Variants in NUP214 observed in about 807,000 individuals in gnomAD.
NUP214 encodes nucleoporin 214.
NUP214 carries 79 observed loss-of-function variants against 196.2 expected under a neutral mutation model. That is an observed-to-expected ratio of 0.40 (90% CI 0.34 to 0.49). NUP214 has a LOEUF of 0.49. NUP214 is among the 20% of genes least tolerant of loss of function. The probability of loss-of-function intolerance (pLI) is 0.58; values close to 1 mark genes in which losing one functional copy is unlikely to be tolerated. For missense variants in NUP214, 2,468 were observed against 2,539.0 expected (o/e 0.97, Z 0.60); for synonymous variants, 1,020 against 990.5 (o/e 1.03, Z -0.56).
rs112769610 is a variant in NUP214, at chr9:131,159,324, C to T, written c.2437-59C>T. The T allele has an allele frequency of 8.1e-3, 9,602 of 1,181,722 alleles. 50 individuals carry two copies. Among genetic ancestry groups the T allele is most frequent in the Non-Finnish European group, 1.0e-2 (8,056 of 805,902 alleles). 73.2% of individuals were successfully genotyped at this position (1,181,722 alleles called of 1,614,324 possible). On this transcript the variant is annotated intron_variant, in intron 17 of 35. Transcript: ENST00000359428. Reference sequence around the variant, plus strand: ...TAGAATTCTTTTGACTGTTTTGATACATCTTCCCCCAAACTATCAGAAAAA... The same window carrying T: ...TAGAATTCTTTTGACTGTTTTGATATATCTTCCCCCAAACTATCAGAAAAA...
chr9:131,191,521 C>T (rs1268665812), intron 26 of NUP214: 1 of 151,828 alleles, frequency 6.6e-6, no homozygotes, highest in African/African-American at 2.4e-5. Flanking sequence ...AAGATTGTAC[C>T]CAAACTATAA....
At chr9:131,225,632 T>G (rs1198513849) in intron 32 of NUP214, among the ~76,000 whole-genome samples, 1 of 152,190 alleles carries the variant, frequency 6.6e-6, no homozygotes, top group Non-Finnish European at 1.5e-5. Flanking sequence ...CTCCCCCTCA[T>G]GTTTCAGGAC....
At position 131,187,470 on chromosome 9, in the gene NUP214, T is replaced by C. The variant is rs1833487064; in HGVS notation, c.3495+106T>C. The C allele has an allele frequency of 3.9e-6, 3 of 775,594 alleles. No individual in the cohort carries two copies. The East Asian group carries it at 8.5e-5, about 22-fold the overall frequency. 48.0% of individuals were successfully genotyped at this position (775,594 alleles called of 1,614,324 possible). On this transcript the variant is annotated intron_variant, in intron 25 of 35. Coordinates refer to ENST00000359428, the MANE Select transcript of NUP214 (RefSeq NM_005085.4). ...GGTGCGATCTTGGCTCACCGCAACC[T>C]CTGCCTCCTGGGTTCAAGTGATTCT...
At chr9:131,190,460 A>G (rs1174536001) in intron 26 of NUP214, 1 of 693,924 alleles carries the variant, frequency 1.4e-6, no homozygotes, top group Non-Finnish European at 2.6e-6. Context: ...CGAGGTGTTC[A>G]CTTCTGTTTT....
chr9:131,135,808 T>A (rs1831708739), intron 8 of NUP214, 132 bp from the exon 9 acceptor site: 2 of 637,716 alleles, frequency 3.1e-6, no homozygotes, highest in Non-Finnish European at 5.6e-6. Flanking sequence ...CCACCTTTGT[T>A]CAACCAGATA....
chr9:131,198,639 C>G lies in NUP214; in HGVS notation c.5145C>G (p.Thr1715=), dbSNP rs1349419785. 1.2e-6 allele frequency: 2 copies of G among 1,614,226 alleles called. No homozygotes were observed. The highest frequency in any genetic ancestry group is 8.5e-7 in the Non-Finnish European group (1 of 1,180,034). The change falls in exon 29 of 36, where the codon ACC becomes ACG. Residue 1715 remains threonine, a synonymous_variant. Transcript: ENST00000359428. The part of the protein sequence containing the change: ...SSGFSSPAFG[T]TAPGVFGQTT... ...GGTTTAGCAGCCCAGCTTTTGGTACCACAGCCCCAGGGGTCTTTGGACAGA... is the reference window on the plus strand; with the variant it reads ...GGTTTAGCAGCCCAGCTTTTGGTACGACAGCCCCAGGGGTCTTTGGACAGA...
rs764192045 is a variant in NUP214 at position 131,198,342 on chromosome 9, A to G, written c.4848A>G (p.Ile1616Met). 24 of 1,614,102 alleles carry G rather than the reference A, an allele frequency of 1.5e-5. No homozygotes were observed. In the African/African-American group the frequency reaches 3.1e-4, roughly 21 times the overall value. Residue 1616 changes from isoleucine (I) to methionine (M), a missense_variant, in exon 29 of 36, where the codon ATA (isoleucine) becomes ATG (methionine). Ile to Met is a conservative substitution (Grantham distance 10). Around this residue, in one of 5 missense-constraint regions of NUP214, gnomAD observed 1,801 missense variants for 1,779.4 expected, o/e 1.01. Transcript: ENST00000359428. Reference protein sequence around the residue: ...PVAVETSSTPIASSTTSIVAP... With the variant: ...PVAVETSSTPMASSTTSIVAP... ...CCGTCGAAACATCAAGTACCCCCAT[A>G]GCCTCCAGCACCACGTCCATTGTTG...
chr9:131,161,792 A>G (rs1024614119), intron 18 of NUP214, among the ~76,000 whole-genome samples: 3 of 152,164 alleles, frequency 2.0e-5, no homozygotes, highest in Non-Finnish European at 2.9e-5. Flanking sequence ...TTATATGATC[A>G]TCACAGAATG....
chr9:131,172,272 T>C (rs1239359248), intron 21 of NUP214, among the ~76,000 whole-genome samples: 1 of 152,114 alleles, frequency 6.6e-6, no homozygotes, highest in African/African-American at 2.4e-5. Context: ...GGTATCTCAT[T>C]GTGGTTTTGA....
chr9:131,228,121 T>C, intron 32 of NUP214, 39 bp from the exon 33 acceptor site: 2 of 1,501,132 alleles, frequency 1.3e-6, no homozygotes, highest in East Asian at 2.6e-5. Flanking sequence ...CCTCCTTTCT[T>C]TCTCCCTATT....
intron 21 of NUP214, among the ~76,000 whole-genome samples, chr9:131,166,692 A>C (rs1049580761): frequency 1.3e-5 from 2 of 152,098 alleles, no homozygotes; most frequent in African/African-American, 4.8e-5. Flanking sequence ...GCCCTCTTGC[A>C]TACCCCAGTT....
chr9:131,161,536 C>T (rs538833709), intron 18 of NUP214, among the ~76,000 whole-genome samples: 50 of 152,212 alleles, frequency 3.3e-4, no homozygotes, highest in African/African-American at 1.1e-3. Flanking sequence ...GGATTACAGG[C>T]GTGAGCCACC....
At chr9:131,148,050 G>A (rs1027461937) in intron 14 of NUP214, among the ~76,000 whole-genome samples, 6 of 152,230 alleles carry the variant, frequency 3.9e-5, no homozygotes, top group African/African-American at 1.4e-4. Flanking sequence ...AGCCGGGCGT[G>A]GTGGCACGTA....
At position 131,198,536 on chromosome 9, in the gene NUP214, C is replaced by T. The variant is rs1465685669; in HGVS notation, c.5042C>T (p.Thr1681Ile). ...GTGTTTGGGCAAGTGGCAGCCAGCA[C>T]CGCACCAAGTCTGTTTGGGCAGCAG... ...TPVFGQVAAS[T>I]APSLFGQQTG... Residue 1681 changes from threonine (T) to isoleucine (I), a missense_variant, in exon 29 of 36, where the codon ACC becomes ATC. Thr to Ile is a moderately conservative substitution (Grantham distance 89). This residue lies in a region of NUP214 where 1,801 missense variants were observed against 1,779.4 expected (regional missense o/e 1.01). Coordinates refer to ENST00000359428, the MANE Select transcript of NUP214 (RefSeq NM_005085.4). 1.8e-5 allele frequency: 29 copies of T among 1,614,136 alleles called. No homozygotes were observed. Among genetic ancestry groups the T allele is most frequent in the Non-Finnish European group, 2.4e-5 (28 of 1,180,056 alleles).
intron 27 of NUP214, 53 bp downstream of exon 27, chr9:131,192,345 A>C: frequency 1.9e-6 from 2 of 1,036,694 alleles, no homozygotes; most frequent in Middle Eastern, 2.1e-4. Flanking sequence ...AGCTTCCCCA[A>C]ATCTTACAAT....
intron 30 of NUP214, among the ~76,000 whole-genome samples, chr9:131,210,614 G>A (rs558097352): frequency 6.6e-5 from 10 of 151,274 alleles, no homozygotes; most frequent in Middle Eastern, 3.4e-3. Flanking sequence ...GAAACAGAGC[G>A]AGACTCCATC....
rs958214425 is a variant in NUP214, at chr9:131,160,954, A to G, written c.2540+1468A>G. ...ACCTGGTTCTGATTCATGTTTAACC[A>G]TATGGTTTGCTTTCCCACAAGGGAA... On this transcript the variant is annotated intron_variant, in intron 18 of 35. Coordinates refer to ENST00000359428, the MANE Select transcript of NUP214 (RefSeq NM_005085.4). Among the ~76,000 whole-genome samples the G allele has an allele frequency of 7.9e-5, 12 of 152,204 alleles. No homozygotes were observed. The East Asian group carries it at 2.1e-3, about 27-fold the overall frequency.
At chr9:131,150,912 C>A in intron 16 of NUP214, 147 bp downstream of exon 16, 1 of 737,352 alleles carries the variant, frequency 1.4e-6, no homozygotes, top group South Asian at 2.0e-5. Flanking sequence ...GCCTAGAATC[C>A]CTGAGTTCAA....
chr9:131,162,749 G>T, intron 18 of NUP214: 1 of 497,508 alleles, frequency 2.0e-6, no homozygotes, highest in South Asian at 2.3e-5. Context: ...CCTAATGTAT[G>T]CTGTCCTTTG....
Sources: gnomAD v4.1 joint callset for allele counts (sites outside exome capture counted in the v4.1 genomes callset) on GRCh38, gnomAD v4.1.1 for gene constraint, gnomAD v4.1.1 regional missense constraint, MANE v1.5 for transcripts, NCBI Gene and HGNC (gene_info 2026-07-23, HGNC 2026-07-21) for gene names.